DRC11: variants seen among roughly 807,000 people sequenced by gnomAD.
DRC11 encodes the protein IQ and AAA domain-containing protein 1.
At chr2:236,377,687 A>C in the DRC11 span, among the ~76,000 whole-genome samples, 1 of 152,370 alleles carries the variant, frequency 6.6e-6, no homozygotes, top group Non-Finnish European at 1.5e-5. The surrounding 1 kb of genome is among the most constrained non-coding windows in gnomAD (Gnocchi z 4.9). Context: ...CTTATATGGA[A>C]GATAAAACGT....
At chr2:236,457,121 C>CAT in the DRC11 span, among the ~76,000 whole-genome samples, 1 of 152,204 alleles carries the variant, frequency 6.6e-6, no homozygotes, top group Admixed American at 6.5e-5. This position sits in a 1 kb window ranked among gnomAD's most constrained non-coding sequence, Gnocchi z 4.7. Flanking sequence ...GAGACCTAGA[C>CAT]GGCAGTTCAA....
At chr2:236,483,549 T>C in the DRC11 span, among the ~76,000 whole-genome samples, 1 of 152,176 alleles carries the variant, frequency 6.6e-6, no homozygotes, top group African/African-American at 2.4e-5. This position sits in a 1 kb window ranked among gnomAD's most constrained non-coding sequence, Gnocchi z 4.8. Flanking sequence ...AACACAGATA[T>C]GGTAAGACCA....
the DRC11 span, among the ~76,000 whole-genome samples, chr2:236,466,932 A>C: frequency 6.6e-6 from 1 of 152,236 alleles, no homozygotes; most frequent in South Asian, 2.1e-4. Context: ...AAATATTATA[A>C]GGACTAGCAT....
At chr2:236,475,072 T>C in the DRC11 span, among the ~76,000 whole-genome samples, 2 of 152,146 alleles carry the variant, frequency 1.3e-5, no homozygotes, top group Non-Finnish European at 2.9e-5. This position sits in a 1 kb window ranked among gnomAD's most constrained non-coding sequence, Gnocchi z 4.8. Flanking sequence ...CTAGATCTTA[T>C]TCCTTCTATA....
At chr2:236,456,268 C>A in the DRC11 span, among the ~76,000 whole-genome samples, 1 of 152,028 alleles carries the variant, frequency 6.6e-6, no homozygotes, top group African/African-American at 2.4e-5. This position sits in a 1 kb window ranked among gnomAD's most constrained non-coding sequence, Gnocchi z 5.4. Context: ...CTATTACTAC[C>A]CCTACCTCAT....
the DRC11 span, among the ~76,000 whole-genome samples, chr2:236,505,267 T>C: frequency 6.6e-6 from 1 of 152,210 alleles, no homozygotes; most frequent in African/African-American, 2.4e-5. Flanking sequence ...AGGGAAACAC[T>C]TGAATATTCA....
chr2:236,333,950 A>G, the DRC11 span, among the ~76,000 whole-genome samples: 44 of 152,200 alleles, frequency 2.9e-4, no homozygotes, highest in Non-Finnish European at 5.9e-4. The surrounding 1 kb of genome is among the most constrained non-coding windows in gnomAD (Gnocchi z 6.0). Flanking sequence ...AGGGACATGT[A>G]AACCCGCTGC....
chr2:236,336,738 A>T, the DRC11 span, among the ~76,000 whole-genome samples: 1 of 152,110 alleles, frequency 6.6e-6, no homozygotes, highest in Non-Finnish European at 1.5e-5. The surrounding 1 kb of genome is among the most constrained non-coding windows in gnomAD (Gnocchi z 7.3). Flanking sequence ...TAACACCAAC[A>T]GCACCATCGC....
chr2:236,326,590 TCTAAG>T, the DRC11 span, among the ~76,000 whole-genome samples: 6 of 152,210 alleles, frequency 3.9e-5, no homozygotes, highest in South Asian at 2.1e-4. Flanking sequence ...CTTCTGACTC[TCTAAG>T]CTTTCTTTTT....
At chr2:236,380,174 A>C in the DRC11 span, among the ~76,000 whole-genome samples, 1 of 152,168 alleles carries the variant, frequency 6.6e-6, no homozygotes, top group African/African-American at 2.4e-5. The surrounding 1 kb of genome is among the most constrained non-coding windows in gnomAD (Gnocchi z 4.9). Flanking sequence ...ACTGGGCCTC[A>C]CTGCTCTCAT....
the DRC11 span, chr2:236,380,625 C>G: frequency 6.5e-7 from 1 of 1,550,268 alleles, no homozygotes; most frequent in Admixed American, 2.0e-5. The surrounding 1 kb of genome is among the most constrained non-coding windows in gnomAD (Gnocchi z 4.9). Flanking sequence ...TTTTGCCTTT[C>G]TTTCCTTTCT....
chr2:236,459,570 T>TATATAC, the DRC11 span, among the ~76,000 whole-genome samples: 3 of 144,614 alleles, frequency 2.1e-5, no homozygotes, highest in Non-Finnish European at 4.6e-5. Flanking sequence ...CGTATATATG[T>TATATAC]GTATACATAC....
At chr2:236,487,548 T>C in the DRC11 span, among the ~76,000 whole-genome samples, 2 of 152,308 alleles carry the variant, frequency 1.3e-5, no homozygotes, top group South Asian at 4.2e-4. Context: ...GCTTATCTGA[T>C]AAGGAAAGAA....
the DRC11 span, among the ~76,000 whole-genome samples, chr2:236,380,247 A>G: frequency 2.0e-5 from 3 of 152,212 alleles, no homozygotes; most frequent in African/African-American, 7.2e-5. The surrounding 1 kb of genome is among the most constrained non-coding windows in gnomAD (Gnocchi z 4.9). Flanking sequence ...GTCCTGTGAG[A>G]ACTCAGAGTC....
the DRC11 span, among the ~76,000 whole-genome samples, chr2:236,344,103 AGAAG>A: frequency 6.6e-6 from 1 of 152,096 alleles, no homozygotes; most frequent in African/African-American, 2.4e-5. Context: ...AGGAGAGAAA[AGAAG>A]GAAGGAAGCA....
chr2:236,327,928 C>T, the DRC11 span, among the ~76,000 whole-genome samples: 15 of 152,216 alleles, frequency 9.9e-5, no homozygotes, highest in South Asian at 2.1e-4. Flanking sequence ...GTGATCTGCC[C>T]GCCTTGATTC....
At chr2:236,318,835 A>G in the DRC11 span, among the ~76,000 whole-genome samples, 2 of 152,096 alleles carry the variant, frequency 1.3e-5, no homozygotes, top group African/African-American at 2.4e-5. This position sits in a 1 kb window ranked among gnomAD's most constrained non-coding sequence, Gnocchi z 7.0. Context: ...AGCTTTCCAT[A>G]AAGCCACAAC....
chr2:236,353,839 C>T, the DRC11 span, among the ~76,000 whole-genome samples: 1 of 151,804 alleles, frequency 6.6e-6, no homozygotes, highest in African/African-American at 2.4e-5. This position sits in a 1 kb window ranked among gnomAD's most constrained non-coding sequence, Gnocchi z 5.0. Flanking sequence ...GGCTTATTTG[C>T]AGGGGGAGGG....
chr2:236,316,658 T>C, the DRC11 span, among the ~76,000 whole-genome samples: 2 of 152,286 alleles, frequency 1.3e-5, no homozygotes, highest in South Asian at 4.1e-4. The surrounding 1 kb of genome is among the most constrained non-coding windows in gnomAD (Gnocchi z 6.8). Flanking sequence ...GTGATCACTA[T>C]GCATATGAAA....
Sources: gnomAD v4.1 joint callset for allele counts (sites outside exome capture counted in the v4.1 genomes callset) on GRCh38, gnomAD v4.1.1 for gene constraint, Gnocchi (gnomAD v3.1) non-coding constraint, MANE v1.5 for transcripts, NCBI Gene and HGNC (gene_info 2026-07-23, HGNC 2026-07-21) for gene names.